Variants in PCDHA7 observed in about 807,000 individuals in gnomAD.
The protein encoded by PCDHA7 is protocadherin alpha-7.
Under a neutral mutation model 57.2 loss-of-function variants are expected in PCDHA7, and 37 were observed. The ratio of observed to expected loss-of-function variants is 0.65; its 90% CI spans 0.50 to 0.85. The LOEUF (loss-of-function observed/expected upper bound fraction) is 0.85. Among genes scored for constraint, PCDHA7 ranks in the 40% least tolerant of loss-of-function variants. The probability of loss-of-function intolerance (pLI) is 0.00; values close to 1 mark genes in which losing one functional copy is unlikely to be tolerated. For synonymous variants in PCDHA7, 553 were observed against 558.8 expected (o/e 0.99, Z 0.15); for missense variants, 1,188 against 1,241.8 (o/e 0.96, Z 0.65).
chr5:140,900,080 A>G (rs62384484), intron 1 of PCDHA7, among the ~76,000 whole-genome samples: 49,691 of 152,040 alleles, frequency 0.33, 8,391 homozygotes, highest in East Asian at 0.53. Flanking sequence ...AAAGTGCTGC[A>G]GTTACAAGCA....
intron 1 of PCDHA7, among the ~76,000 whole-genome samples, chr5:140,976,448 G>C (rs2096716831): frequency 6.6e-6 from 1 of 152,148 alleles, no homozygotes; most frequent in Non-Finnish European, 1.5e-5. Context: ...CTACTAGGGA[G>C]GCTGGGGAAG....
chr5:140,857,738 C>T, intron 1 of PCDHA7: 1 of 1,597,432 alleles, frequency 6.3e-7, no homozygotes, highest in Non-Finnish European at 8.6e-7. Flanking sequence ...CGCTCCCGCG[C>T]TGCTGGCGTC....
At chr5:140,869,609 C>T (rs1554163287) in intron 1 of PCDHA7, 1 of 1,613,972 alleles carries the variant, frequency 6.2e-7, no homozygotes, top group Non-Finnish European at 8.5e-7. Flanking sequence ...GCTCTATTGA[C>T]CTACAGGCTA....
At chr5:140,928,137 C>T (rs537220203) in intron 1 of PCDHA7, 14 of 1,614,066 alleles carry the variant, frequency 8.7e-6, no homozygotes, top group Admixed American at 1.7e-5. Flanking sequence ...AAGTCCTGAT[C>T]ACGGCCTCAG....
chr5:140,975,848 T>C (rs1345383470), intron 1 of PCDHA7, among the ~76,000 whole-genome samples: 1 of 152,234 alleles, frequency 6.6e-6, no homozygotes, highest in Non-Finnish European at 1.5e-5. Flanking sequence ...TCAGTAATAC[T>C]ACATCACCCA....
At chr5:140,982,608 T>C (rs782789536) in intron 3 of PCDHA7, 45 bp downstream of exon 3, 1 of 1,601,306 alleles carries the variant, frequency 6.2e-7, no homozygotes, top group Non-Finnish European at 8.5e-7. Flanking sequence ...TTCTGGAAAG[T>C]GATCAGATGA....
At chr5:140,940,731 G>T (rs1195223562) in intron 1 of PCDHA7, among the ~76,000 whole-genome samples, 2 of 152,162 alleles carry the variant, frequency 1.3e-5, no homozygotes, top group Admixed American at 1.3e-4. Flanking sequence ...CAGCTGGACA[G>T]CTCCATATTT....
In PCDHA7 at chr5:140,868,915, G is replaced by C. The variant is rs1164548445; in HGVS notation, c.2355+32177G>C. On this transcript the variant is annotated intron_variant, in intron 1 of 3. Coordinates refer to ENST00000525929, the MANE Select transcript of PCDHA7 (RefSeq NM_018910.3). ...GCAAGGTGTCGCTCTTTACTTGGTG[G>C]AAAGTTCATTTAAAGGTTGGTCTGA... The C allele has an allele frequency of 7.4e-6, 7 of 948,738 alleles. No individual in the cohort carries two copies. In the East Asian group the frequency reaches 1.6e-4, roughly 22 times the overall value. The allele number at this position is 948,738 out of a possible 1,614,324, so 58.8% of individuals were successfully genotyped here. A position where few individuals can be genotyped will look rare whatever the true frequency, so the allele number is the denominator to read the frequency against.
chr5:140,868,748 T>C (rs991826043), intron 1 of PCDHA7: 2 of 213,606 alleles, frequency 9.4e-6, no homozygotes, highest in Non-Finnish European at 1.9e-5. Context: ...ACAATGCCAT[T>C]TCCATATATA....
At chr5:140,889,745 T>G (rs1295441616) in intron 1 of PCDHA7, among the ~76,000 whole-genome samples, 2 of 152,202 alleles carry the variant, frequency 1.3e-5, no homozygotes, top group Non-Finnish European at 2.9e-5. Flanking sequence ...CAGAGTCTAA[T>G]TTTTCTTTCC....
chr5:140,882,094 C>G, intron 1 of PCDHA7: 1 of 1,172,684 alleles, frequency 8.5e-7, no homozygotes. Flanking sequence ...TCACTGAGAA[C>G]GTTTCCGCGA....
intron 1 of PCDHA7, among the ~76,000 whole-genome samples, chr5:140,900,724 C>T (rs552317505): frequency 2.0e-5 from 3 of 152,296 alleles, no homozygotes; most frequent in Admixed American, 1.3e-4. Flanking sequence ...GAAATCCTAC[C>T]TAGCAGTGGG....
chr5:140,835,925 C>T lies in PCDHA7; in HGVS notation c.1542C>T (p.Ser514=), dbSNP rs2150248432. The change falls in exon 1 of 4, where the codon AGC becomes AGT. Residue 514 remains serine, a synonymous_variant. Transcript: ENST00000525929. ...GCTACGTGTCAGTGCACGCGGAGAG[C>T]GGCAAGGTGTACGCGCTGCAGCCGT... ...LSSYVSVHAE[S]GKVYALQPLD... 5 of 1,612,352 alleles carry T rather than the reference C, an allele frequency of 3.1e-6. No individual in the cohort carries two copies. The South Asian group carries it at 5.5e-5, about 18-fold the overall frequency.
At chr5:140,959,317 A>G (rs1424960169) in intron 1 of PCDHA7, among the ~76,000 whole-genome samples, 3 of 152,078 alleles carry the variant, frequency 2.0e-5, no homozygotes, top group Non-Finnish European at 4.4e-5. Flanking sequence ...TGAAGCTGCA[A>G]TAAGTTTTGA....
rs782631991 is a variant in PCDHA7, at chr5:140,966,741, G to C, written c.2356-12208G>C. The C allele has an allele frequency of 7.5e-4, 1,063 of 1,421,208 alleles. 1 individual carries two copies. The highest frequency in any genetic ancestry group is 9.1e-4 in the Non-Finnish European group (995 of 1,093,108). The allele number at this position is 1,421,208 out of a possible 1,614,324, so 88.0% of individuals were successfully genotyped here. Reference sequence around the variant, plus strand: ...GAAGCTGCCGCCTCCGGCCCTGCCCGGCTGCCTCCGCCGCGGCCAGTGGCT... The same window carrying C: ...GAAGCTGCCGCCTCCGGCCCTGCCCCGCTGCCTCCGCCGCGGCCAGTGGCT... On this transcript the variant is annotated intron_variant, in intron 1 of 3. Transcript: ENST00000525929.
intron 1 of PCDHA7, chr5:140,966,548 A>G (rs2096020413): frequency 2.1e-6 from 1 of 465,426 alleles, no homozygotes; most frequent in Admixed American, 4.3e-5. Flanking sequence ...CTCGGAGGCG[A>G]GCGGAGGAGC....
rs142640080 is a variant in PCDHA7 at position 140,917,521 on chromosome 5, C to T, written c.2356-61428C>T. Among the ~76,000 whole-genome samples the T allele has an allele frequency of 5.8e-4, 88 of 152,256 alleles. 1 individual carries two copies. In the East Asian group the frequency reaches 0.015, roughly 26 times the overall value. On this transcript the variant is annotated intron_variant, in intron 1 of 3. Transcript: ENST00000525929. ...ATGATATTTTCTAGGTTTTATTCTA[C>T]GGTTTGTATAGTTTTAGGTTTTACA...
intron 1 of PCDHA7, among the ~76,000 whole-genome samples, chr5:140,973,564 A>T (rs2096593487): frequency 6.6e-6 from 1 of 152,168 alleles, no homozygotes; most frequent in Admixed American, 6.5e-5. Context: ...CTCTTTCCTC[A>T]ATTTTTCTAC....
At chr5:140,872,801 C>T (rs2053909345) in intron 1 of PCDHA7, among the ~76,000 whole-genome samples, 1 of 152,086 alleles carries the variant, frequency 6.6e-6, no homozygotes, top group African/African-American at 2.4e-5. Context: ...GGCATTCTTC[C>T]ATAAGTTTTT....
Sources: gnomAD v4.1 joint callset for allele counts (sites outside exome capture counted in the v4.1 genomes callset) on GRCh38, gnomAD v4.1.1 for gene constraint, MANE v1.5 for transcripts, NCBI Gene and HGNC (gene_info 2026-07-23, HGNC 2026-07-21) for gene names.